The following ABCC4 variants were observed in gnomAD, a reference collection of about 807,000 sequenced individuals.
The protein encoded by ABCC4 is ATP-binding cassette sub-family C member 4.
ABCC4 carries 102 observed loss-of-function variants against 168.5 expected under a neutral mutation model. The ratio of observed to expected loss-of-function variants is 0.61; its 90% confidence interval spans 0.52 to 0.71. The LOEUF (loss-of-function observed/expected upper bound fraction) is 0.71. ABCC4 is among the 30% of genes least tolerant of loss of function. The pLI is 0.00. For synonymous variants in ABCC4, 617 were observed against 590.7 expected (o/e 1.04, Z -0.65); for missense variants, 1,402 against 1,605.8 (o/e 0.87, Z 2.17).
At chr13:95,296,236 C>T (rs72645835) in intron 1 of ABCC4, among the ~76,000 whole-genome samples, 18,317 of 150,428 alleles carry the variant, frequency 0.12, 1,417 homozygotes, top group Middle Eastern at 0.18. Context: ...GTAATCCCAA[C>T]GCTTGGGAAA....
At chr13:95,289,560 C>T (rs912008095) in intron 1 of ABCC4, among the ~76,000 whole-genome samples, 2 of 152,154 alleles carry the variant, frequency 1.3e-5, no homozygotes, top group East Asian at 1.9e-4. Context: ...ATCCCTGGCA[C>T]GGAGCAATCC....
At chr13:95,114,348 T>C (rs770178320) in intron 20 of ABCC4, among the ~76,000 whole-genome samples, 2 of 152,156 alleles carry the variant, frequency 1.3e-5, no homozygotes, top group Non-Finnish European at 1.5e-5. Flanking sequence ...GCTAAGCACA[T>C]AGTGGGCCAG....
chr13:95,089,504 G>C (rs1191177006), intron 20 of ABCC4, among the ~76,000 whole-genome samples: 1 of 152,150 alleles, frequency 6.6e-6, no homozygotes, highest in Non-Finnish European at 1.5e-5. Context: ...TGTAATCCCA[G>C]CTACTTGGGA....
At chr13:95,236,896 A>C (rs944081672) in intron 3 of ABCC4, among the ~76,000 whole-genome samples, 2 of 152,174 alleles carry the variant, frequency 1.3e-5, no homozygotes, top group Admixed American at 1.3e-4. Flanking sequence ...TCAAGAAGCA[A>C]GACGGCCAAA....
chr13:95,262,179 G>A (rs2040549784), intron 1 of ABCC4, among the ~76,000 whole-genome samples: 1 of 152,216 alleles, frequency 6.6e-6, no homozygotes, highest in Non-Finnish European at 1.5e-5. Context: ...CAGGTCCCAG[G>A]AACACTCTCT....
chr13:95,076,819 G>A (rs1425419952), intron 21 of ABCC4, among the ~76,000 whole-genome samples: 1 of 152,024 alleles, frequency 6.6e-6, no homozygotes. Flanking sequence ...GGGTGCAGTG[G>A]TGTGATCATA....
chr13:95,051,501 T>A (rs1943568221), intron 27 of ABCC4, among the ~76,000 whole-genome samples: 1 of 151,276 alleles, frequency 6.6e-6, no homozygotes, highest in Non-Finnish European at 1.5e-5. Flanking sequence ...CCTGAGTAGC[T>A]GGGACTACAG....
chr13:95,193,002 C>T (rs1046053778), intron 9 of ABCC4, among the ~76,000 whole-genome samples: 9 of 152,188 alleles, frequency 5.9e-5, no homozygotes, highest in African/African-American at 2.2e-4. Flanking sequence ...TGTGAGTTTC[C>T]ATGTGCACAA....
intron 29 of ABCC4, among the ~76,000 whole-genome samples, chr13:95,041,151 T>C (rs1382761148): frequency 6.6e-6 from 1 of 152,248 alleles, no homozygotes; most frequent in Non-Finnish European, 1.5e-5. Flanking sequence ...TTGTCTGTCT[T>C]GCTCTACTGT....
intron 20 of ABCC4, among the ~76,000 whole-genome samples, chr13:95,108,713 C>T (rs754348952): frequency 2.5e-4 from 37 of 151,004 alleles, no homozygotes; most frequent in Middle Eastern, 3.4e-3. Flanking sequence ...GCAATTTTGG[C>T]TCACTACAAC....
intron 11 of ABCC4, among the ~76,000 whole-genome samples, chr13:95,180,841 A>T (rs977453103): frequency 6.6e-6 from 1 of 152,232 alleles, no homozygotes; most frequent in Non-Finnish European, 1.5e-5. Flanking sequence ...TTTCATGCAG[A>T]CAGGGAATAG....
At position 95,058,594 on chromosome 13, in the gene ABCC4, A is replaced by AG. The variant is rs2033162876; in HGVS notation, c.3366+4109_3366+4110insC. Among the ~76,000 whole-genome samples the AG allele has an allele frequency of 2.5e-3, 102 of 41,394 alleles. 6 individuals carry two copies. The highest frequency in any genetic ancestry group is 4.5e-3 in the South Asian group (3 of 660). The allele number at this position is 41,394 out of a possible 152,430, so 27.2% of individuals were successfully genotyped here. The stretch of plus-strand genomic sequence containing the variant: ...AAAAAAAAAAAAAAAAAAAAAAAAG[A>AG]AAAGAAAAAGAAAAAGAAAAGAAAA... On this transcript the variant is annotated intron_variant, in intron 26 of 30. Transcript: ENST00000645237.
intron 19 of ABCC4, among the ~76,000 whole-genome samples, chr13:95,131,993 G>A (rs756663068): frequency 5.3e-5 from 8 of 151,996 alleles, no homozygotes; most frequent in Admixed American, 2.0e-4. Context: ...AAAGAGATAT[G>A]CGCACACTCA....
Position 95,103,554 on chromosome 13 carries a change from C to G in ABCC4, c.2535+12368G>C, listed in dbSNP as rs556437826. Among the ~76,000 whole-genome samples, 6 of 152,306 alleles carry G rather than the reference C, an allele frequency of 3.9e-5. 1 individual carries two copies. In the South Asian group the frequency reaches 1.2e-3, roughly 32 times the overall value. On this transcript the variant is annotated intron_variant, in intron 20 of 30. Transcript: ENST00000645237. ...AACTGGCCTTCTACTGGGACACAGC[C>G]TTGTGAATGACACATGCCTGAGGGG...
chr13:95,151,839 AC>A (rs1378676208), intron 19 of ABCC4, among the ~76,000 whole-genome samples: 1 of 152,224 alleles, frequency 6.6e-6, no homozygotes, highest in Non-Finnish European at 1.5e-5. Context: ...AAGTAATGTG[AC>A]CGACTTAGTT....
intron 8 of ABCC4, among the ~76,000 whole-genome samples, chr13:95,200,852 A>C (rs1437468409): frequency 6.6e-6 from 1 of 152,254 alleles, no homozygotes; most frequent in Non-Finnish European, 1.5e-5. Context: ...CAAAATTTTA[A>C]ATGGGTTACA....
At chr13:95,170,368 A>G in intron 14 of ABCC4, 164 bp downstream of exon 14, 1 of 492,496 alleles carries the variant, frequency 2.0e-6, no homozygotes, top group African/African-American at 1.9e-5. Context: ...TTACGGTAAT[A>G]TGGTTTAGCA....
chr13:95,206,099 T>C (rs2038771512), intron 8 of ABCC4, among the ~76,000 whole-genome samples: 1 of 152,176 alleles, frequency 6.6e-6, no homozygotes, highest in South Asian at 2.1e-4. Context: ...CTAAGTGAAG[T>C]TGAGGCCATT....
At position 95,020,098 on chromosome 13, in the gene ABCC4, G is replaced by A. The variant is rs577960400; in HGVS notation, c.*1477C>T. On this transcript the variant is annotated 3_prime_UTR_variant, in exon 31 of 31. Coordinates refer to ENST00000645237, the MANE Select transcript of ABCC4 (RefSeq NM_005845.5). ...TTGTTGGACTGAACATTAACCATACGTGTATTTCTAAGTACTAGGAGTTGA... is the reference window on the plus strand; with the variant it reads ...TTGTTGGACTGAACATTAACCATACATGTATTTCTAAGTACTAGGAGTTGA... 2 of 152,228 alleles carry A rather than the reference G, an allele frequency of 1.3e-5. No individual in the cohort carries two copies. The highest frequency in any genetic ancestry group is 3.9e-4 in the East Asian group (2 of 5,182). The allele number at this position is 152,228 out of a possible 1,614,324, so 9.4% of individuals were successfully genotyped here. A position where few individuals can be genotyped will look rare whatever the true frequency, so the allele number is the denominator to read the frequency against.
Sources: allele counts gnomAD v4.1 joint callset (sites outside exome capture counted in the v4.1 genomes callset), GRCh38; gene constraint gnomAD v4.1.1; transcripts MANE v1.5; gene names NCBI Gene and HGNC (gene_info 2026-07-23, HGNC 2026-07-21).